ZFAT: variants seen among roughly 807,000 people sequenced by gnomAD.
ZFAT encodes zinc finger and AT-hook domain containing, also known as zinc finger protein ZFAT.
Under a neutral mutation model 117.7 loss-of-function variants are expected in ZFAT, and 64 were observed. The observed-to-expected ratio is 0.54, with a 90% CI of 0.44 to 0.67. The LOEUF (loss-of-function observed/expected upper bound fraction) is 0.67. Ranked by LOEUF, ZFAT falls within the 30% of genes least tolerant of loss-of-function variation. The pLI is 0.00. For synonymous variants in ZFAT, 679 were observed against 615.0 expected, an observed-to-expected ratio of 1.10 and a Z score of -1.54; for missense variants, 1,433 against 1,584.5, an observed-to-expected ratio of 0.90 and a Z score of 1.62.
the ZFAT span, among the ~76,000 whole-genome samples, chr8:134,725,502 C>T: frequency 1.8e-3 from 276 of 152,178 alleles, 1 homozygote; most frequent in African/African-American, 6.2e-3. Flanking sequence ...GTGCTACACG[C>T]TTTTCTACAG....
At chr8:134,530,031 GA>G (rs1821300385) in intron 12 of ZFAT, among the ~76,000 whole-genome samples, 1 of 152,094 alleles carries the variant, frequency 6.6e-6, no homozygotes, top group South Asian at 2.1e-4. Flanking sequence ...CCCCTCCCTG[GA>G]ATCCCAGGAT....
At chr8:134,701,037 C>A (rs1220197183) in intron 1 of ZFAT, among the ~76,000 whole-genome samples, 1 of 152,064 alleles carries the variant, frequency 6.6e-6, no homozygotes, top group East Asian at 1.9e-4. Context: ...ATAAAATGTA[C>A]CATCTTAACT....
At chr8:134,825,383 T>C in the ZFAT span, among the ~76,000 whole-genome samples, 40 of 152,254 alleles carry the variant, frequency 2.6e-4, no homozygotes, top group Admixed American at 2.6e-3. Context: ...CTAACATTTG[T>C]GGGGAACACA....
intron 10 of ZFAT, among the ~76,000 whole-genome samples, chr8:134,570,300 T>G (rs1191455867): frequency 6.6e-6 from 1 of 152,234 alleles, no homozygotes; most frequent in East Asian, 1.9e-4. Flanking sequence ...TTTCTCAGCC[T>G]ATATTTTCAT....
intron 7 of ZFAT, among the ~76,000 whole-genome samples, chr8:134,595,189 C>T (rs1826838402): frequency 6.6e-6 from 1 of 152,234 alleles, no homozygotes; most frequent in South Asian, 2.1e-4. Flanking sequence ...GACAGATAAA[C>T]ATTTAAACGC....
At chr8:134,698,522 A>G (rs1002026396) in intron 1 of ZFAT, among the ~76,000 whole-genome samples, 1 of 152,162 alleles carries the variant, frequency 6.6e-6, no homozygotes, top group Non-Finnish European at 1.5e-5. Flanking sequence ...GAATGCCCTG[A>G]TCAAATCTAT....
At chr8:134,686,662 T>A (rs1833340331) in intron 1 of ZFAT, among the ~76,000 whole-genome samples, 1 of 152,178 alleles carries the variant, frequency 6.6e-6, no homozygotes, top group Non-Finnish European at 1.5e-5. Context: ...ACTTGGCCTC[T>A]CTGAGCTTCA....
At chr8:134,634,636 A>G (rs1311725444) in intron 3 of ZFAT, among the ~76,000 whole-genome samples, 3 of 152,190 alleles carry the variant, frequency 2.0e-5, no homozygotes, top group African/African-American at 7.2e-5. Context: ...CAGTATTTAC[A>G]ACAGTGAAAA....
Position 134,520,941 on chromosome 8 carries a change from T to C in ZFAT, c.3176A>G (p.His1059Arg). The C allele has an allele frequency of 6.2e-7, 1 of 1,613,928 alleles. No individual in the cohort carries two copies. The highest frequency in any genetic ancestry group is 8.5e-7 in the Non-Finnish European group (1 of 1,179,856). ...VYGTKWEFNRHLKNKHGLKVV... is the reference protein window; with the variant it reads ...VYGTKWEFNRRLKNKHGLKVV... ...CTTCAAGCCATGTTTGTTCTTCAAG[T>C]GCCTATTGAACTCCCATTTGGTGCC... Residue 1059 changes from histidine to arginine, a missense_variant, in exon 13 of 16, where the codon CAC becomes CGC. His to Arg is a conservative substitution (Grantham distance 29). Coordinates refer to ENST00000377838, the MANE Select transcript of ZFAT (RefSeq NM_020863.4).
chr8:134,665,694 C>T (rs1484847575), intron 1 of ZFAT, among the ~76,000 whole-genome samples: 2 of 125,276 alleles, frequency 1.6e-5, no homozygotes, highest in Non-Finnish European at 3.3e-5. Context: ...TCACTGAGCA[C>T]AGTGTGGTGT....
At chr8:134,510,961 G>C (rs1246158416) in intron 14 of ZFAT, 1 of 152,492 alleles carries the variant, frequency 6.6e-6, no homozygotes, top group Non-Finnish European at 1.5e-5. Context: ...GTGACCTGCA[G>C]TCTGAGTACT....
chr8:134,546,735 G>A (rs1416546176), intron 11 of ZFAT, among the ~76,000 whole-genome samples: 1 of 152,206 alleles, frequency 6.6e-6, no homozygotes, highest in African/African-American at 2.4e-5. Flanking sequence ...GGTTTCTGGA[G>A]TCAGACCTCA....
At chr8:134,614,004 T>G (rs1828542042) in intron 3 of ZFAT, among the ~76,000 whole-genome samples, 1 of 152,190 alleles carries the variant, frequency 6.6e-6, no homozygotes, top group African/African-American at 2.4e-5. Context: ...TTAAACTCGT[T>G]TTTAACCAGT....
chr8:134,712,435 T>TA (rs1814037363), intron 1 of ZFAT, among the ~76,000 whole-genome samples: 1 of 150,532 alleles, frequency 6.6e-6, no homozygotes, highest in Non-Finnish European at 1.5e-5. Context: ...CTGCAGGAGG[T>TA]ACTCATTTCG....
chr8:134,745,451 T>C, the ZFAT span, among the ~76,000 whole-genome samples: 163 of 152,162 alleles, frequency 1.1e-3, no homozygotes, highest in African/African-American at 3.7e-3. Flanking sequence ...AATGTTCCAG[T>C]AAGGAGGTGG....
At chr8:134,698,696 G>A (rs778594523) in intron 1 of ZFAT, among the ~76,000 whole-genome samples, 2 of 151,970 alleles carry the variant, frequency 1.3e-5, no homozygotes, top group Non-Finnish European at 2.9e-5. Flanking sequence ...CCAGCCTCCC[G>A]GACACCCCCA....
chr8:134,538,961 G>A (rs1269820542), intron 11 of ZFAT, among the ~76,000 whole-genome samples: 2 of 152,114 alleles, frequency 1.3e-5, no homozygotes, highest in African/African-American at 2.4e-5. Flanking sequence ...ATGAGTATGG[G>A]TGACAGAGTG....
chr8:134,642,290 CTG>C (rs1201515654), intron 2 of ZFAT, among the ~76,000 whole-genome samples: 1 of 152,188 alleles, frequency 6.6e-6, no homozygotes, highest in Admixed American at 6.5e-5. Flanking sequence ...TAGAGACAAT[CTG>C]TGCTGTGCAG....
At chr8:134,717,837 A>G (rs1233615310), upstream of ZFAT, among the ~76,000 whole-genome samples, 1 of 151,918 alleles carries the variant, frequency 6.6e-6, no homozygotes, top group Admixed American at 6.6e-5. Flanking sequence ...TGGGATTACA[A>G]GCGCTTGCCA....
Sources: gnomAD v4.1 joint callset for allele counts (sites outside exome capture counted in the v4.1 genomes callset) on GRCh38, gnomAD v4.1.1 for gene constraint, MANE v1.5 for transcripts, NCBI Gene and HGNC (gene_info 2026-07-23, HGNC 2026-07-21) for gene names.